PCDH9: variants seen among roughly 807,000 people sequenced by gnomAD.
PCDH9 encodes the protein protocadherin-9.
PCDH9 carries 24 observed loss-of-function variants against 70.6 expected under a neutral mutation model. That is an observed-to-expected ratio of 0.34 (90% CI 0.25 to 0.48). PCDH9 has a LOEUF of 0.48. Ranked by LOEUF, PCDH9 falls within the 20% of genes least tolerant of loss-of-function variation. The probability of loss-of-function intolerance (pLI) is 0.99; values close to 1 mark genes in which losing one functional copy is unlikely to be tolerated. For missense variants in PCDH9, 1,281 were observed against 1,503.6 expected, an observed-to-expected ratio of 0.85 and a Z score of 2.45; for synonymous variants, 562 against 558.5, an observed-to-expected ratio of 1.01 and a Z score of -0.09.
intron 4 of PCDH9, among the ~76,000 whole-genome samples, chr13:66,595,350 T>C (rs892114927): frequency 6.6e-6 from 1 of 151,730 alleles, no homozygotes; most frequent in Non-Finnish European, 1.5e-5. Flanking sequence ...ATCACCCCAA[T>C]TGCCAGGAGA....
intron 4 of PCDH9, among the ~76,000 whole-genome samples, chr13:66,507,695 C>CTTT (rs1179309048): frequency 8.3e-4 from 103 of 124,618 alleles, no homozygotes; most frequent in African/African-American, 2.7e-3. Flanking sequence ...CATTTCCTTT[C>CTTT]TTTTTTGTTT....
At chr13:66,727,232 G>A (rs76780759) in intron 3 of PCDH9, among the ~76,000 whole-genome samples, 4 of 152,196 alleles carry the variant, frequency 2.6e-5, no homozygotes, top group Middle Eastern at 3.4e-3. Flanking sequence ...CTGCACACCA[G>A]CCAGGATGAC....
At chr13:66,774,482 T>A (rs1248129939) in intron 3 of PCDH9, among the ~76,000 whole-genome samples, 2 of 152,154 alleles carry the variant, frequency 1.3e-5, no homozygotes, top group Non-Finnish European at 2.9e-5. Flanking sequence ...AGGGAACTCA[T>A]CAGCAAATTT....
At position 66,381,529 on chromosome 13, in the gene PCDH9, A is replaced by G. The variant is rs17081214; in HGVS notation, c.3341-76501T>C. Among the ~76,000 whole-genome samples the G allele has an allele frequency of 4.6e-3, 702 of 152,292 alleles. 8 individuals carry two copies. The highest frequency in any genetic ancestry group is 0.016 in the African/African-American group (678 of 41,556). On this transcript the variant is annotated intron_variant, in intron 4 of 4. Transcript: ENST00000377865. ...CAATATTGGCTTTTTGTAAATTAAA[A>G]CAGCGTTCTCTGAAACATAGAAACA...
At chr13:66,628,324 C>A (rs2077524947) in intron 4 of PCDH9, among the ~76,000 whole-genome samples, 1 of 152,172 alleles carries the variant, frequency 6.6e-6, no homozygotes, top group African/African-American at 2.4e-5. Flanking sequence ...ATCCCTGAAT[C>A]TCCGGACAAA....
chr13:67,192,823 T>C (rs2088954624), intron 2 of PCDH9, among the ~76,000 whole-genome samples: 1 of 152,198 alleles, frequency 6.6e-6, no homozygotes, highest in Non-Finnish European at 1.5e-5. Context: ...ATTTAAATAC[T>C]TGGTCCCTTG....
intron 3 of PCDH9, among the ~76,000 whole-genome samples, chr13:66,805,831 C>T (rs889782290): frequency 2.6e-5 from 4 of 152,110 alleles, no homozygotes; most frequent in Admixed American, 6.6e-5. Context: ...GCCCTTTTGG[C>T]TTAGCAGAGT....
chr13:66,955,445 A>G (rs1211304370), intron 2 of PCDH9, among the ~76,000 whole-genome samples: 1 of 152,216 alleles, frequency 6.6e-6, no homozygotes, highest in African/African-American at 2.4e-5. Context: ...GTTATCAAGC[A>G]CATATAATGC....
chr13:67,223,055 A>G (rs1469759350), intron 2 of PCDH9: 1 of 152,190 alleles, frequency 6.6e-6, no homozygotes, highest in Non-Finnish European at 1.5e-5. Flanking sequence ...AGCCATTTTA[A>G]TAGCTCTTTA....
chr13:66,343,538 T>G (rs1344971344), intron 4 of PCDH9, among the ~76,000 whole-genome samples: 1 of 152,174 alleles, frequency 6.6e-6, no homozygotes, highest in Admixed American at 6.5e-5. Context: ...ACCTCCCACT[T>G]CAAACCAGCA....
chr13:67,059,532 C>A (rs956357042), intron 2 of PCDH9, among the ~76,000 whole-genome samples: 2 of 150,962 alleles, frequency 1.3e-5, no homozygotes, highest in African/African-American at 4.9e-5. Flanking sequence ...GGGCCTCTCA[C>A]AATAGAGCAG....
intron 3 of PCDH9, among the ~76,000 whole-genome samples, chr13:66,764,643 T>C (rs1328213453): frequency 6.6e-6 from 1 of 152,032 alleles, no homozygotes; most frequent in Non-Finnish European, 1.5e-5. Context: ...TTCCATCCTC[T>C]AAAGCAGATC....
chr13:66,444,463 A>C (rs568094422), intron 4 of PCDH9, among the ~76,000 whole-genome samples: 1 of 152,264 alleles, frequency 6.6e-6, no homozygotes, highest in South Asian at 2.1e-4. Context: ...ATGAGGACAA[A>C]AATTATTTTG....
At position 66,916,013 on chromosome 13, in the gene PCDH9, C is replaced by T. The variant is rs527963229; in HGVS notation, c.3037-12408G>A. ...CATGGAGTATTAGAGTTGAAAGGGG[C>T]ATTACAGATTTTTTTCCTCACCTCT... On this transcript the variant is annotated intron_variant, in intron 2 of 4. Coordinates refer to ENST00000377865, the MANE Select transcript of PCDH9 (RefSeq NM_203487.3). Among the ~76,000 whole-genome samples, 3 of 151,502 alleles carry T rather than the reference C, an allele frequency of 2.0e-5. No individual in the cohort carries two copies. In the East Asian group the frequency reaches 5.8e-4, roughly 29 times the overall value.
chr13:67,125,096 T>C (rs1359242908), intron 2 of PCDH9, among the ~76,000 whole-genome samples: 5 of 152,162 alleles, frequency 3.3e-5, no homozygotes, highest in Non-Finnish European at 5.9e-5. Flanking sequence ...TGAGCCTGAG[T>C]TTCCTTGAAT....
At chr13:67,045,323 C>T (rs1175639055) in intron 2 of PCDH9, among the ~76,000 whole-genome samples, 1 of 152,156 alleles carries the variant, frequency 6.6e-6, no homozygotes, top group African/African-American at 2.4e-5. Flanking sequence ...TATGTCCCAG[C>T]TAACCTAGAT....
At chr13:67,022,144 T>C (rs1325498628) in intron 2 of PCDH9, among the ~76,000 whole-genome samples, 11 of 64,998 alleles carry the variant, frequency 1.7e-4, no homozygotes, top group Non-Finnish European at 2.0e-4. Context: ...TTTTTTTTTT[T>C]TTTGAGACAG....
At chr13:66,523,943 C>A (rs1278127109) in intron 4 of PCDH9, among the ~76,000 whole-genome samples, 1 of 151,778 alleles carries the variant, frequency 6.6e-6, no homozygotes, top group Non-Finnish European at 1.5e-5. Flanking sequence ...CAGTGTCTAC[C>A]AGTGAAGGCA....
At chr13:66,948,416 T>C (rs1302305424) in intron 2 of PCDH9, among the ~76,000 whole-genome samples, 4 of 152,122 alleles carry the variant, frequency 2.6e-5, no homozygotes, top group Non-Finnish European at 5.9e-5. Context: ...CCTTTTTCAC[T>C]TCTCAAAATT....
Sources: allele counts gnomAD v4.1 joint callset (sites outside exome capture counted in the v4.1 genomes callset), GRCh38; gene constraint gnomAD v4.1.1; transcripts MANE v1.5; gene names NCBI Gene and HGNC (gene_info 2026-07-23, HGNC 2026-07-21).